Variants in ABCB9 observed in about 807,000 individuals in gnomAD.
ABCB9 encodes the protein ABC-type oligopeptide transporter ABCB9.
ABCB9 carries 36 observed loss-of-function variants against 62.0 expected under a neutral mutation model. The observed-to-expected ratio is 0.58, with a 90% CI of 0.45 to 0.77. ABCB9 has a LOEUF of 0.77. Ranked by LOEUF, ABCB9 falls within the 30% of genes least tolerant of loss-of-function variation. The pLI is 0.00. For synonymous variants in ABCB9, 435 were observed against 461.4 expected (o/e 0.94, Z 0.73); for missense variants, 943 against 1,054.7 (o/e 0.89, Z 1.47).
chr12:122,948,953 TG>T, intron 4 of ABCB9, 124 bp from the exon 5 acceptor site: 2 of 229,110 alleles, frequency 8.7e-6, no homozygotes, highest in Non-Finnish European at 1.5e-5. Flanking sequence ...TGGGCGGGGT[TG>T]GGGGGTGGGG....
At position 122,935,226 on chromosome 12, in the gene ABCB9, G is replaced by A. The variant is rs368354303; in HGVS notation, c.1903+46C>T. 4 of 1,552,376 alleles carry A rather than the reference G, an allele frequency of 2.6e-6. No individual in the cohort carries two copies. The African/African-American group carries it at 4.1e-5, about 16-fold the overall frequency. On this transcript the variant is annotated intron_variant, in intron 10 of 11. Coordinates refer to ENST00000280560, the MANE Select transcript of ABCB9 (RefSeq NM_019625.4). Reference sequence around the variant, plus strand: ...TTAACTCAGAGGGTTATGTCCCTGAGGGTGACCCTGTGGGCCCAGGAGAGG... The same window carrying A: ...TTAACTCAGAGGGTTATGTCCCTGAAGGTGACCCTGTGGGCCCAGGAGAGG...
chr12:122,919,180 A>G (rs2034688152), downstream of ABCB9, among the ~76,000 whole-genome samples: 1 of 151,840 alleles, frequency 6.6e-6, no homozygotes, highest in Non-Finnish European at 1.5e-5. Context: ...GCTTTATTTT[A>G]TTATTTTTAG....
In ABCB9 at chr12:122,947,624, C is replaced by T. The variant is rs562075953; in HGVS notation, c.1053+1000G>A. ...CCCAGCCTGTCTGTCCCTTAGGGCT[C>T]GGGGGCACCCGCCCATTCAGGAAGC... On this transcript the variant is annotated intron_variant, in intron 5 of 11. Coordinates refer to ENST00000280560, the MANE Select transcript of ABCB9 (RefSeq NM_019625.4). The surrounding 1 kb of genome is among the most constrained non-coding windows in gnomAD (Gnocchi z 6.0). The T allele has an allele frequency of 3.2e-5, 9 of 281,646 alleles. No individual in the cohort carries two copies. The highest frequency in any genetic ancestry group is 1.3e-4 in the South Asian group (5 of 37,142). 17.4% of individuals were successfully genotyped at this position (281,646 alleles called of 1,614,324 possible).
intron 2 of ABCB9, chr12:122,953,060 T>C (rs1477145732): frequency 1.3e-5 from 2 of 152,208 alleles, no homozygotes; most frequent in South Asian, 2.1e-4. Context: ...ACCTGCATGA[T>C]TGAGCCGCTA....
upstream of ABCB9, among the ~76,000 whole-genome samples, chr12:122,969,694 A>G (rs2037248567): frequency 6.6e-6 from 1 of 151,398 alleles, no homozygotes; most frequent in Admixed American, 6.6e-5. Flanking sequence ...CTGTGTCCAT[A>G]CCACTGAACT....
At chr12:122,926,301 T>C (rs1242007760), downstream of ABCB9, among the ~76,000 whole-genome samples, 2 of 152,188 alleles carry the variant, frequency 1.3e-5, no homozygotes, top group Non-Finnish European at 2.9e-5. Context: ...TCTCAGCACT[T>C]TGGGAGGCCG....
At chr12:122,957,844 C>T (rs899623973) in intron 2 of ABCB9, among the ~76,000 whole-genome samples, 2 of 151,256 alleles carry the variant, frequency 1.3e-5, no homozygotes, top group African/African-American at 4.9e-5. Context: ...ACAGATCCAT[C>T]CACATTCATA....
At chr12:122,924,875 T>TTAAAAG, downstream of ABCB9, 1 of 1,511,346 alleles carries the variant, frequency 6.6e-7, no homozygotes, top group Non-Finnish European at 8.9e-7. Flanking sequence ...AAAGTCAGCT[T>TTAAAAG]TAAAAGTCAT....
At chr12:122,934,739 C>T (rs968386245) in intron 10 of ABCB9, among the ~76,000 whole-genome samples, 5 of 151,728 alleles carry the variant, frequency 3.3e-5, no homozygotes, top group Admixed American at 2.0e-4. Context: ...CCCACCAAAA[C>T]GTCTTTCATT....
At chr12:122,958,130 A>C (rs2036706281) in intron 2 of ABCB9, among the ~76,000 whole-genome samples, 1 of 134,278 alleles carries the variant, frequency 7.4e-6, no homozygotes, top group South Asian at 2.4e-4. Context: ...AGATCGCACC[A>C]CTGCATTCCA....
At position 122,950,219 on chromosome 12, in the gene ABCB9, G is replaced by A. The variant is rs548652972; in HGVS notation, c.716+232C>T. 1.1e-4 allele frequency among the ~76,000 whole-genome samples: 17 copies of A among 152,332 alleles called. No homozygotes were observed. The East Asian group carries it at 2.1e-3, about 19-fold the overall frequency. ...TACTTGGAAAACAGCCAGGGAGGGT[G>A]AGCAGGGAACCCTGAGGACTGAAGC... On this transcript the variant is annotated intron_variant, in intron 3 of 11. Coordinates refer to ENST00000280560, the MANE Select transcript of ABCB9 (RefSeq NM_019625.4).
At chr12:122,924,829 G>T (rs2034846530), downstream of ABCB9, 1 of 1,534,428 alleles carries the variant, frequency 6.5e-7, no homozygotes, top group Non-Finnish European at 8.7e-7. Flanking sequence ...GACAGAAGGA[G>T]GACAGTGACA....
At chr12:122,942,181 C>A (rs2035796272) in intron 7 of ABCB9, among the ~76,000 whole-genome samples, 1 of 152,138 alleles carries the variant, frequency 6.6e-6, no homozygotes, top group African/African-American at 2.4e-5. Context: ...CATCTGTCTC[C>A]TGAGTTCAGG....
chr12:122,943,660 G>A (rs1040087049), intron 7 of ABCB9, among the ~76,000 whole-genome samples: 8 of 151,784 alleles, frequency 5.3e-5, no homozygotes, highest in Non-Finnish European at 1.0e-4. Context: ...ATGGAGTTTC[G>A]CTTTGGTTGC....
Position 122,959,909 on chromosome 12 carries a change from C to A in ABCB9, c.327G>T (p.Arg109Ser). The A allele has an allele frequency of 6.2e-7, 1 of 1,613,460 alleles. No individual in the cohort carries two copies. The highest frequency in any genetic ancestry group is 8.5e-7 in the Non-Finnish European group (1 of 1,179,914). ...CCCAAAACCAGGGGTCCCGGATGGG[C>A]CTGCGCACCTCTGAGAAGAGCAGCA... Reference protein sequence around the residue: ...VKLLLFSEVRRPIRDPWFWAL... With the variant: ...VKLLLFSEVRSPIRDPWFWAL... Residue 109 changes from arginine (R) to serine (S), a missense_variant, in exon 2 of 12, where the codon AGG becomes AGT. Arg to Ser is a moderately radical substitution (Grantham distance 110). Coordinates refer to ENST00000280560, the MANE Select transcript of ABCB9 (RefSeq NM_019625.4). The surrounding 1 kb of genome is among the most constrained non-coding windows in gnomAD (Gnocchi z 5.4).
chr12:122,925,995 C>G (rs994672851), downstream of ABCB9, among the ~76,000 whole-genome samples: 1 of 152,108 alleles, frequency 6.6e-6, no homozygotes, highest in African/African-American at 2.4e-5. Flanking sequence ...CGAAAGGCCA[C>G]GTAGTATAGG....
At chr12:122,950,680 T>C (rs2036319611) in intron 2 of ABCB9, 115 bp from the exon 3 acceptor site, 6 of 833,286 alleles carry the variant, frequency 7.2e-6, no homozygotes, top group Non-Finnish European at 1.1e-5. Context: ...CCGGTGGGCT[T>C]TCCTCCCTCG....
intron 2 of ABCB9, among the ~76,000 whole-genome samples, chr12:122,958,240 G>T (rs555078872): frequency 6.6e-6 from 1 of 151,758 alleles, no homozygotes; most frequent in East Asian, 1.9e-4. Flanking sequence ...TCAAATGATG[G>T]GAGACCAACT....
rs1183416757 is a variant in ABCB9 at position 122,940,525 on chromosome 12, C to A, written c.1570-241G>T. On this transcript the variant is annotated intron_variant, in intron 8 of 11. Transcript: ENST00000280560. The surrounding 1 kb of genome is among the most constrained non-coding windows in gnomAD (Gnocchi z 4.8). Reference sequence around the variant, plus strand: ...AGGGAGGCCCCTGGTGAGGTCTCACCTCAAATGTCACCTCCTCCAAGAACC... The same window carrying A: ...AGGGAGGCCCCTGGTGAGGTCTCACATCAAATGTCACCTCCTCCAAGAACC... 2.0e-5 allele frequency among the ~76,000 whole-genome samples: 3 copies of A among 152,208 alleles called. No homozygotes were observed. Among genetic ancestry groups the A allele is most frequent in the Non-Finnish European group, 4.4e-5 (3 of 68,038 alleles).
Sources: allele counts gnomAD v4.1 joint callset (sites outside exome capture counted in the v4.1 genomes callset), GRCh38; gene constraint gnomAD v4.1.1; non-coding constraint Gnocchi (gnomAD v3.1); transcripts MANE v1.5; gene names NCBI Gene and HGNC (gene_info 2026-07-23, HGNC 2026-07-21).